The following NXPE1 variants were observed in gnomAD, a reference collection of about 807,000 sequenced individuals.
NXPE1 encodes neurexophilin and PC-esterase domain family member 1, also known as NXPE family member 1.
In NXPE1, 31 loss-of-function variants were observed where a neutral mutation model predicts 33.3. The observed-to-expected ratio is 0.93, with a 90% CI of 0.70 to 1.26. NXPE1 has a LOEUF of 1.26. Ranked by LOEUF, NXPE1 falls within the 50% of genes most tolerant of loss-of-function variation. NXPE1 has a pLI of 0.00. For synonymous variants in NXPE1, 229 were observed against 231.4 expected, an observed-to-expected ratio of 0.99 and a Z score of 0.09; for missense variants, 661 against 655.6, an observed-to-expected ratio of 1.01 and a Z score of -0.09.
At chr11:114,545,955 C>T (rs1052533133) in intron 5 of NXPE1, among the ~76,000 whole-genome samples, 1 of 152,044 alleles carries the variant, frequency 6.6e-6, no homozygotes, top group Non-Finnish European at 1.5e-5. Context: ...TCCCAAAGTG[C>T]TGGGATTACA....
At position 114,551,447 on chromosome 11, in the gene NXPE1, A is replaced by G. The variant is rs77800585; in HGVS notation, c.-69-6T>C. On this transcript the variant is annotated splice_region_variant and splice_polypyrimidine_tract_variant and intron_variant, in intron 3 of 8. Coordinates refer to ENST00000534921, the Ensembl canonical transcript of NXPE1. The stretch of plus-strand genomic sequence containing the variant: ...TGCTTCCTCCTTCCAGGACCCTGAA[A>G]TGGAAGTCAAAGTCACCTTATAGGT... 2 of 1,240,970 alleles carry G rather than the reference A, an allele frequency of 1.6e-6. No homozygotes were observed. 76.9% of individuals were successfully genotyped at this position (1,240,970 alleles called of 1,614,324 possible). A position where few individuals can be genotyped will look rare whatever the true frequency, so the allele number is the denominator to read the frequency against.
Position 114,527,704 on chromosome 11 carries a change from T to C in NXPE1, c.895+136A>G. The C allele has an allele frequency of 7.2e-6, 4 of 556,122 alleles. No homozygotes were observed. The South Asian group carries it at 1.3e-4, about 18-fold the overall frequency. 34.4% of individuals were successfully genotyped at this position (556,122 alleles called of 1,614,324 possible). A position where few individuals can be genotyped will look rare whatever the true frequency, so the allele number is the denominator to read the frequency against. On this transcript the variant is annotated intron_variant, in intron 7 of 8. Coordinates refer to ENST00000534921, the Ensembl canonical transcript of NXPE1. The stretch of plus-strand genomic sequence containing the variant: ...GAAATCATTTCCTTGAGTTCATTTC[T>C]CCCTTTAAAGTCCAGCATGATTGAC...
At chr11:114,540,298 G>C (rs1948044797) in intron 5 of NXPE1, among the ~76,000 whole-genome samples, 2 of 152,140 alleles carry the variant, frequency 1.3e-5, no homozygotes, top group South Asian at 4.1e-4. Context: ...GTTAAACTTT[G>C]TATATTCATA....
chr11:114,541,759 G>T (rs1032469450), intron 5 of NXPE1, among the ~76,000 whole-genome samples: 2 of 152,120 alleles, frequency 1.3e-5, no homozygotes, highest in Admixed American at 6.5e-5. Context: ...ATTAATAGAA[G>T]AATTTGAGCA....
At chr11:114,547,014 CAGA>C (rs1246720099) in intron 5 of NXPE1, among the ~76,000 whole-genome samples, 13 of 152,110 alleles carry the variant, frequency 8.5e-5, no homozygotes, top group Non-Finnish European at 1.8e-4. Flanking sequence ...ATCTCTTGTA[CAGA>C]AGAATTCCAG....
rs1194827968 is a variant in NXPE1, at chr11:114,551,221, A to G, written c.-10-10T>C. The G allele has an allele frequency of 2.7e-6, 4 of 1,493,756 alleles. No homozygotes were observed. The highest frequency in any genetic ancestry group is 2.7e-6 in the Non-Finnish European group (3 of 1,109,334). 92.5% of individuals were successfully genotyped at this position (1,493,756 alleles called of 1,614,324 possible). On this transcript the variant is annotated splice_polypyrimidine_tract_variant and intron_variant, in intron 4 of 8. Coordinates refer to ENST00000534921, the Ensembl canonical transcript of NXPE1. ...GGACATGACGAATGTCCTAGGAGAG[A>G]TGACACAAGAGAGGAGTCGTGAGAA... is the stretch of plus-strand genomic sequence containing the variant.
At chr11:114,550,962 A>C in intron 5 of NXPE1, 141 bp downstream of exon 5, 3 of 582,174 alleles carry the variant, frequency 5.2e-6, no homozygotes, top group Non-Finnish European at 6.1e-6. Flanking sequence ...GCCTCTAAGG[A>C]GTTAGGTAGA....
chr11:114,556,116 G>C (rs1285962832), intron 1 of NXPE1, among the ~76,000 whole-genome samples: 1 of 152,122 alleles, frequency 6.6e-6, no homozygotes, highest in Non-Finnish European at 1.5e-5. Flanking sequence ...TTAATCTGTA[G>C]GTAAATTTGG....
At chr11:114,530,788 T>G in exon 6 of NXPE1, 1 of 1,614,204 alleles carries the variant, frequency 6.2e-7, no homozygotes, top group East Asian at 2.2e-5. Context: ...ATGATTTCCT[T>G]TATTCTGAGT....
chr11:114,528,889 T>C (rs1947465729), intron 6 of NXPE1: 1 of 606,184 alleles, frequency 1.6e-6, no homozygotes, highest in African/African-American at 1.8e-5. Context: ...GGCATAAGGA[T>C]GGTTGATGGG....
chr11:114,521,245 C>A (rs7103804), downstream of NXPE1, among the ~76,000 whole-genome samples: 2 of 152,206 alleles, frequency 1.3e-5, no homozygotes, highest in Non-Finnish European at 2.9e-5. Flanking sequence ...ACTCCACTTA[C>A]GACACATGAG....
chr11:114,538,811 T>C (rs1409882985), intron 5 of NXPE1, among the ~76,000 whole-genome samples: 1 of 152,066 alleles, frequency 6.6e-6, no homozygotes, highest in African/African-American at 2.4e-5. Context: ...TGTGGAGAAA[T>C]AGGAACACTT....
At chr11:114,545,554 A>G (rs1363087564) in intron 5 of NXPE1, among the ~76,000 whole-genome samples, 1 of 152,162 alleles carries the variant, frequency 6.6e-6, no homozygotes, top group African/African-American at 2.4e-5. Context: ...TGGTTGCCAG[A>G]GATTTGGGGA....
chr11:114,551,373 C>T lies in NXPE1; in HGVS notation c.-11+10G>A. The T allele has an allele frequency of 1.4e-6, 2 of 1,396,992 alleles. No homozygotes were observed. The highest frequency in any genetic ancestry group is 3.4e-5 in the South Asian group (2 of 59,286). The allele number at this position is 1,396,992 out of a possible 1,614,324, so 86.5% of individuals were successfully genotyped here. On this transcript the variant is annotated intron_variant, in intron 4 of 8. Transcript: ENST00000534921. ...AACTAACAACTCATACCCCCAATCC[C>T]TTTGTCTACCTATTGGATACTTCTT...
At chr11:114,537,605 G>A (rs1214690619) in intron 5 of NXPE1, among the ~76,000 whole-genome samples, 1 of 152,138 alleles carries the variant, frequency 6.6e-6, no homozygotes, top group East Asian at 1.9e-4. Context: ...AAATCAATGT[G>A]CAAAAATCAC....
chr11:114,541,591 G>A (rs1177689192), intron 5 of NXPE1, among the ~76,000 whole-genome samples: 3 of 152,150 alleles, frequency 2.0e-5, no homozygotes, highest in African/African-American at 7.2e-5. Context: ...TATACATTTT[G>A]GGGAGGCATG....
At chr11:114,548,227 T>G (rs954053443) in intron 5 of NXPE1, among the ~76,000 whole-genome samples, 5 of 152,246 alleles carry the variant, frequency 3.3e-5, no homozygotes, top group South Asian at 2.1e-4. Context: ...AAATTCACTT[T>G]AAGGATAGCC....
At chr11:114,536,242 A>G (rs1947817168) in intron 5 of NXPE1, among the ~76,000 whole-genome samples, 1 of 152,228 alleles carries the variant, frequency 6.6e-6, no homozygotes, top group Non-Finnish European at 1.5e-5. Context: ...AATGAGAACA[A>G]AGACACAACA....
At chr11:114,527,706 C>A in intron 7 of NXPE1, 134 bp downstream of exon 7, 1 of 552,532 alleles carries the variant, frequency 1.8e-6, no homozygotes, top group African/African-American at 1.9e-5. Context: ...TTCATTTCTC[C>A]CTTTAAAGTC....
Sources: gnomAD v4.1 joint callset for allele counts (sites outside exome capture counted in the v4.1 genomes callset) on GRCh38, gnomAD v4.1.1 for gene constraint, MANE v1.5 for transcripts, NCBI Gene and HGNC (gene_info 2026-07-23, HGNC 2026-07-21) for gene names.